Variants in NMT2 observed in about 807,000 individuals in gnomAD.
NMT2 encodes the protein glycylpeptide N-tetradecanoyltransferase 2.
In NMT2, 35 loss-of-function variants were observed where a neutral mutation model predicts 65.4. The observed-to-expected ratio is 0.54, with a 90% CI of 0.41 to 0.71. The LOEUF is 0.71. NMT2 is among the 30% of genes least tolerant of loss of function. NMT2 has a pLI of 0.00. For synonymous variants in NMT2, 226 were observed against 231.8 expected, an observed-to-expected ratio of 0.98 and a Z score of 0.23; for missense variants, 489 against 611.3, an observed-to-expected ratio of 0.80 and a Z score of 2.11.
chr10:15,158,272 C>T (rs1419386792), intron 1 of NMT2, among the ~76,000 whole-genome samples: 8 of 150,684 alleles, frequency 5.3e-5, no homozygotes, highest in African/African-American at 1.5e-4. Context: ...GCCAAGATCA[C>T]GCCACTGCAC....
intron 9 of NMT2, among the ~76,000 whole-genome samples, chr10:15,115,560 G>A (rs1845716307): frequency 1.3e-5 from 2 of 151,330 alleles, no homozygotes; most frequent in Admixed American, 6.6e-5. Context: ...GAAACATAAA[G>A]AAACCAAATA....
intron 1 of NMT2, among the ~76,000 whole-genome samples, chr10:15,158,985 C>G (rs1200948362): frequency 6.6e-6 from 1 of 152,188 alleles, no homozygotes; most frequent in Non-Finnish European, 1.5e-5. Context: ...TATGAATTGG[C>G]AGGGAGATAC....
intron 8 of NMT2, among the ~76,000 whole-genome samples, chr10:15,119,811 G>T (rs1039497177): frequency 6.6e-6 from 1 of 152,160 alleles, no homozygotes; most frequent in Non-Finnish European, 1.5e-5. Flanking sequence ...TACTGCCCAT[G>T]ACCCAAACAA....
At chr10:15,147,414 G>A (rs1847005052) in intron 1 of NMT2, among the ~76,000 whole-genome samples, 1 of 151,900 alleles carries the variant, frequency 6.6e-6, no homozygotes. Context: ...CCTTTGTAAG[G>A]AAAACATTAT....
chr10:15,115,363 C>T (rs1303593583), intron 9 of NMT2, among the ~76,000 whole-genome samples: 1 of 152,120 alleles, frequency 6.6e-6, no homozygotes, highest in African/African-American at 2.4e-5. Flanking sequence ...AGTAAGGTGA[C>T]TCAAAGTAAT....
chr10:15,124,568 G>A (rs368932005), intron 8 of NMT2, among the ~76,000 whole-genome samples: 16 of 152,322 alleles, frequency 1.1e-4, no homozygotes, highest in East Asian at 9.6e-4. Flanking sequence ...AGCAAAAAGA[G>A]TAACAATGAA....
chr10:15,127,759 C>T (rs774741387), intron 8 of NMT2, among the ~76,000 whole-genome samples: 4 of 150,904 alleles, frequency 2.7e-5, no homozygotes, highest in African/African-American at 9.8e-5. Context: ...AAAAATTAGC[C>T]GGGTGTGGTG....
chr10:15,149,634 C>T (rs537470731), intron 1 of NMT2, among the ~76,000 whole-genome samples: 10 of 147,932 alleles, frequency 6.8e-5, no homozygotes, highest in South Asian at 6.6e-4. Flanking sequence ...GGCAACACTT[C>T]GCAACACTTA....
rs72774398 is a variant in NMT2, at chr10:15,107,101, C to G, written c.*2094G>C. On this transcript the variant is annotated 3_prime_UTR_variant, in exon 12 of 12. Transcript: ENST00000378165. Reference sequence around the variant, plus strand: ...TCTAGCCTGGACAATAGAGTGAGACCCTGTCCTAAAAAAAAAAAAAAAAAA... The same window carrying G: ...TCTAGCCTGGACAATAGAGTGAGACGCTGTCCTAAAAAAAAAAAAAAAAAA... Among the ~76,000 whole-genome samples, 7,467 of 114,180 alleles carry G rather than the reference C, an allele frequency of 0.065. 229 individuals are homozygous for G. The highest frequency in any genetic ancestry group is 0.096 in the East Asian group (323 of 3,362). 74.9% of individuals were successfully genotyped at this position (114,180 alleles called of 152,430 possible).
chr10:15,168,342 GCGCGCCCCGGACCTCACCATGGGCTC>G (rs776590094), intron 1 of NMT2, 135 bp downstream of exon 1: 2 of 346,060 alleles, frequency 5.8e-6, no homozygotes, highest in Admixed American at 4.7e-5. Context: ...CCCGCGAGCC[GCGCGCCCCGGACCTCACCATGGGCTC>G]CGCGCCACGG....
Position 15,141,414 on chromosome 10 carries a change from G to A in NMT2, c.246+8C>T. On this transcript the variant is annotated splice_region_variant and intron_variant, in intron 2 of 11. Transcript: ENST00000378165. ...CACACAGAGGAAAAAATAAAACAGA[G>A]CTCTCACTTTCGAAGGCTGCTGAAT... 1.9e-6 allele frequency: 3 copies of A among 1,613,778 alleles called. No individual in the cohort carries two copies. In the South Asian group the frequency reaches 3.3e-5, roughly 18 times the overall value.
At chr10:15,139,266 A>ATCTATCTG (rs1846637375) in intron 2 of NMT2, among the ~76,000 whole-genome samples, 1 of 147,866 alleles carries the variant, frequency 6.8e-6, no homozygotes, top group African/African-American at 2.6e-5. Flanking sequence ...CTATCTATCT[A>ATCTATCTG]TCTATCTATC....
chr10:15,138,883 T>C (rs986713973), intron 2 of NMT2, among the ~76,000 whole-genome samples: 13 of 150,796 alleles, frequency 8.6e-5, no homozygotes, highest in Non-Finnish European at 1.6e-4. Context: ...TACTACTGAG[T>C]GTCAACTTGA....
intron 2 of NMT2, chr10:15,141,069 T>C (rs1846738643): frequency 6.6e-7 from 1 of 1,513,978 alleles, no homozygotes; most frequent in Non-Finnish European, 9.0e-7. Flanking sequence ...AAAATTACAA[T>C]GTGAATATCT....
chr10:15,120,620 C>G (rs1845896769), intron 8 of NMT2, among the ~76,000 whole-genome samples: 1 of 152,130 alleles, frequency 6.6e-6, no homozygotes, highest in East Asian at 1.9e-4. Flanking sequence ...TTAAAACTGC[C>G]AAGTCTGACA....
At chr10:15,157,224 G>A (rs1271111150) in intron 1 of NMT2, among the ~76,000 whole-genome samples, 1 of 152,096 alleles carries the variant, frequency 6.6e-6, no homozygotes, top group Non-Finnish European at 1.5e-5. Context: ...GAACAGAAGC[G>A]CACTAAACAA....
intron 10 of NMT2, among the ~76,000 whole-genome samples, chr10:15,112,354 G>C (rs1381586827): frequency 1.4e-5 from 2 of 144,768 alleles, no homozygotes; most frequent in African/African-American, 5.0e-5. Flanking sequence ...TCAGCCTCCC[G>C]AGTAGCTGGG....
At chr10:15,121,254 A>C (rs1431491703) in intron 8 of NMT2, among the ~76,000 whole-genome samples, 2 of 152,232 alleles carry the variant, frequency 1.3e-5, no homozygotes, top group African/African-American at 2.4e-5. Context: ...TATTTTTAAA[A>C]ATTTTATATA....
chr10:15,154,976 G>A, intron 1 of NMT2: 1 of 1,154,486 alleles, frequency 8.7e-7, no homozygotes, highest in Middle Eastern at 2.0e-4. Context: ...AATCGTTTGT[G>A]TTGGGTCCAG....
Sources: allele counts gnomAD v4.1 joint callset (sites outside exome capture counted in the v4.1 genomes callset), GRCh38; gene constraint gnomAD v4.1.1; transcripts MANE v1.5; gene names NCBI Gene and HGNC (gene_info 2026-07-23, HGNC 2026-07-21).